The following MCTP2 variants were observed in gnomAD, a reference collection of about 807,000 sequenced individuals.
MCTP2 encodes multiple C2 and transmembrane domain containing 2, also known as multiple C2 and transmembrane domain-containing protein 2.
A neutral mutation model predicts 111.6 loss-of-function variants in MCTP2; 132 were observed. That is an observed-to-expected ratio of 1.18 (90% confidence interval 1.03 to 1.37). MCTP2 has a LOEUF of 1.37. Among genes scored for constraint, MCTP2 ranks in the 40% most tolerant of loss-of-function variants. MCTP2 has a pLI of 0.00. For missense variants in MCTP2, 1,183 were observed against 1,067.9 expected (o/e 1.11, Z -1.50); for synonymous variants, 395 against 387.7 (o/e 1.02, Z -0.22).
At chr15:94,464,257 T>TATATATATATATATTA (rs4001978) in intron 20 of MCTP2, among the ~76,000 whole-genome samples, 1 of 44,968 alleles carries the variant, frequency 2.2e-5, no homozygotes. Flanking sequence ...TATATATATA[T>TATATATATATATATTA]TATATATATA....
At chr15:94,286,347 G>A (rs144541133) in intron 1 of MCTP2, among the ~76,000 whole-genome samples, 129 of 151,704 alleles carry the variant, frequency 8.5e-4, no homozygotes, top group East Asian at 8.3e-3. Flanking sequence ...CCCTATTTTT[G>A]TTATTCTTTT....
Position 94,338,256 on chromosome 15 carries a change from C to T in MCTP2, c.638-1034C>T, listed in dbSNP as rs368968910. ...GTCTTTGTATGCTTATTCACTGTGC[C>T]GTGTTTCAAAATTAACTATAGTATT... is the stretch of plus-strand genomic sequence containing the variant. On this transcript the variant is annotated intron_variant, in intron 4 of 22. Transcript: ENST00000357742. 4.6e-5 allele frequency among the ~76,000 whole-genome samples: 7 copies of T among 152,094 alleles called. No individual in the cohort carries two copies. In the East Asian group the frequency reaches 7.7e-4, roughly 17 times the overall value.
intron 3 of MCTP2, among the ~76,000 whole-genome samples, chr15:94,315,191 C>T (rs1405573170): frequency 3.3e-5 from 5 of 152,152 alleles, no homozygotes; most frequent in Non-Finnish European, 7.3e-5. Context: ...CCTCCTGTTG[C>T]CTCTCTTGGG....
intron 17 of MCTP2, among the ~76,000 whole-genome samples, chr15:94,431,712 G>A (rs1596686743): frequency 1.3e-5 from 2 of 152,026 alleles, no homozygotes; most frequent in Admixed American, 1.3e-4. Context: ...TTTTTGAACA[G>A]AATTAACACA....
intron 15 of MCTP2, 196 bp from the exon 16 acceptor site, chr15:94,399,725 C>G (rs565502478): frequency 4.4e-5 from 25 of 563,734 alleles, no homozygotes; most frequent in African/African-American, 4.2e-4. Context: ...CTCAATCTGA[C>G]CCATGCCAGG....
In MCTP2 at chr15:94,463,668, A is replaced by C. The variant is rs190496529; in HGVS notation, c.2360+5422A>C. ...TCTTTTCTCATGGGATCTCAGAAAG[A>C]AAGCTTTCAACGTTTCACCCTCAAG... is the stretch of plus-strand genomic sequence containing the variant. On this transcript the variant is annotated intron_variant, in intron 20 of 22. Coordinates refer to ENST00000357742, the MANE Select transcript of MCTP2 (RefSeq NM_001385001.1). Among the ~76,000 whole-genome samples the C allele has an allele frequency of 4.8e-3, 732 of 152,288 alleles. 9 individuals carry two copies. The highest frequency in any genetic ancestry group is 4.3e-3 in the Non-Finnish European group (290 of 68,022).
chr15:94,414,249 T>C (rs762059117), intron 17 of MCTP2, among the ~76,000 whole-genome samples: 4 of 152,140 alleles, frequency 2.6e-5, no homozygotes, highest in Non-Finnish European at 4.4e-5. Context: ...GCTGTACCCT[T>C]GGATCCAGAA....
rs535605266 is a variant in MCTP2 at position 94,455,574 on chromosome 15, C to T, written c.2251-2563C>T. On this transcript the variant is annotated intron_variant, in intron 19 of 22. Coordinates refer to ENST00000357742, the MANE Select transcript of MCTP2 (RefSeq NM_001385001.1). ...TGCCTCAGCTTGGACTGCAAGCACGCGCCACCATGCCCAGCTAATTTTTGT... is the reference window on the plus strand; with the variant it reads ...TGCCTCAGCTTGGACTGCAAGCACGTGCCACCATGCCCAGCTAATTTTTGT... 2.1e-4 allele frequency among the ~76,000 whole-genome samples: 32 copies of T among 152,132 alleles called. No homozygotes were observed. In the South Asian group the frequency reaches 4.1e-3, roughly 20 times the overall value.
chr15:94,442,314 A>C (rs900670170), intron 18 of MCTP2, among the ~76,000 whole-genome samples: 1 of 152,238 alleles, frequency 6.6e-6, no homozygotes, highest in African/African-American at 2.4e-5. Context: ...GGCCGTTAGC[A>C]GTACAGCTGG....
intron 1 of MCTP2, among the ~76,000 whole-genome samples, chr15:94,249,751 C>G (rs1219284708): frequency 1.3e-5 from 2 of 152,074 alleles, no homozygotes; most frequent in Non-Finnish European, 2.9e-5. Flanking sequence ...TCCCAAAGTG[C>G]TGGGATTACA....
chr15:94,315,054 C>A (rs1382970803), intron 3 of MCTP2, among the ~76,000 whole-genome samples: 1 of 152,116 alleles, frequency 6.6e-6, no homozygotes, highest in Non-Finnish European at 1.5e-5. Flanking sequence ...AATTTTACTA[C>A]ACATGGAAGT....
At chr15:94,327,985 G>A (rs909487649) in intron 4 of MCTP2, among the ~76,000 whole-genome samples, 1 of 152,156 alleles carries the variant, frequency 6.6e-6, no homozygotes, top group Non-Finnish European at 1.5e-5. Context: ...GCAAAATTGG[G>A]ATGTTTTCTA....
intron 12 of MCTP2, among the ~76,000 whole-genome samples, chr15:94,380,125 C>T (rs1290528261): frequency 1.3e-5 from 2 of 151,888 alleles, no homozygotes; most frequent in African/African-American, 4.8e-5. Flanking sequence ...TCACTGCTGC[C>T]CTCTGTCCCT....
In MCTP2 at chr15:94,428,799, A is replaced by C. The variant is rs951206892; in HGVS notation, c.2086-11377A>C. Among the ~76,000 whole-genome samples the C allele has an allele frequency of 2.0e-5, 3 of 152,266 alleles. No individual in the cohort carries two copies. The South Asian group carries it at 6.2e-4, about 32-fold the overall frequency. On this transcript the variant is annotated intron_variant, in intron 17 of 22. Transcript: ENST00000357742. ...TAATTAGTGTACCCATTGTGTTTAC[A>C]TTTTATTTTCTCTCCTTTATACCAT...
chr15:94,399,933 A>T lies in MCTP2; in HGVS notation c.1903A>T (p.Ile635Phe). ...ATGTCTTTTCTAGGTGAAAGCAAGT[A>T]TTAGGACTTTTACTCCCCGGGAAAA... ...DLIYNPVKASIRTFTPREKRF... is the reference protein window; with the variant it reads ...DLIYNPVKASFRTFTPREKRF... Residue 635 changes from isoleucine to phenylalanine, a missense_variant, in exon 16 of 23, where the codon ATT becomes TTT. Physicochemically the swap from Ile to Phe is conservative, Grantham distance 21 (BLOSUM62 0). Coordinates refer to ENST00000357742, the MANE Select transcript of MCTP2 (RefSeq NM_001385001.1). 1.2e-6 allele frequency: 2 copies of T among 1,613,894 alleles called. No homozygotes were observed. Among genetic ancestry groups the T allele is most frequent in the Non-Finnish European group, 1.7e-6 (2 of 1,179,814 alleles).
chr15:94,458,320 G>A (rs530297599), intron 20 of MCTP2, 74 bp downstream of exon 20: 2 of 900,774 alleles, frequency 2.2e-6, no homozygotes, highest in South Asian at 1.3e-5. Context: ...AATGGCAGTG[G>A]TGTGCGACAA....
rs11853964 is a variant in MCTP2, at chr15:94,392,838, C to G, written c.1789-6123C>G. Among the ~76,000 whole-genome samples, 152 of 148,664 alleles carry G rather than the reference C, an allele frequency of 1.0e-3. 1 individual carries two copies. Among genetic ancestry groups the G allele is most frequent in the African/African-American group, 3.6e-3 (145 of 40,514 alleles). ...CTCAAAAAACAAACAAACAAACAAA[C>G]AAAAAAAAACAAAAAACTTGGAGAA... On this transcript the variant is annotated intron_variant, in intron 14 of 22. Transcript: ENST00000357742.
intron 2 of MCTP2, among the ~76,000 whole-genome samples, chr15:94,301,532 C>T (rs2075611404): frequency 6.6e-6 from 1 of 152,216 alleles, no homozygotes; most frequent in South Asian, 2.1e-4. Flanking sequence ...GCTGGGGAGA[C>T]ACCTTTGTCT....
At chr15:94,408,185 T>C (rs1223885090) in intron 17 of MCTP2, among the ~76,000 whole-genome samples, 4 of 152,216 alleles carry the variant, frequency 2.6e-5, no homozygotes, top group Non-Finnish European at 5.9e-5. Context: ...AAGTCACAAC[T>C]GGATGTGCAG....
Sources: allele counts gnomAD v4.1 joint callset (sites outside exome capture counted in the v4.1 genomes callset), GRCh38; gene constraint gnomAD v4.1.1; transcripts MANE v1.5; gene names NCBI Gene and HGNC (gene_info 2026-07-23, HGNC 2026-07-21).